TAFA2: variants seen among roughly 807,000 people sequenced by gnomAD.
The protein encoded by TAFA2 is chemokine-like protein TAFA-2.
TAFA2 carries 7 observed loss-of-function variants against 18.8 expected under a neutral mutation model. That is an observed-to-expected ratio of 0.37 (90% confidence interval 0.21 to 0.70). TAFA2 has a LOEUF of 0.70. TAFA2 is among the 30% of genes least tolerant of loss of function. The probability of loss-of-function intolerance (pLI) is 0.53; values close to 1 mark genes in which losing one functional copy is unlikely to be tolerated. For missense variants in TAFA2, 122 were observed against 158.1 expected, an observed-to-expected ratio of 0.77 and a Z score of 1.23; for synonymous variants, 60 against 54.2, an observed-to-expected ratio of 1.11 and a Z score of -0.47.
At chr12:62,200,684 T>C in intron 1 of TAFA2, among the ~76,000 whole-genome samples, 1 of 152,184 alleles carries the variant, frequency 6.6e-6, no homozygotes. Context: ...AGTCAGGTAG[T>C]GTGATGCCTC....
intron 4 of TAFA2, among the ~76,000 whole-genome samples, chr12:61,718,796 C>A (rs1020601622): frequency 6.6e-6 from 1 of 152,102 alleles, no homozygotes; most frequent in African/African-American, 2.4e-5. Context: ...TTTTTATCCC[C>A]TTTCTGCCAG....
chr12:61,785,353 GTGTGTGTT>G (rs1414478365), intron 2 of TAFA2, among the ~76,000 whole-genome samples: 3 of 146,594 alleles, frequency 2.0e-5, no homozygotes, highest in South Asian at 2.2e-4. Flanking sequence ...GTGTGTGTGT[GTGTGTGTT>G]TGTGTGTGTG....
chr12:61,827,705 T>C (rs937691562), intron 2 of TAFA2, among the ~76,000 whole-genome samples: 9 of 152,014 alleles, frequency 5.9e-5, no homozygotes, highest in African/African-American at 2.2e-4. Flanking sequence ...TATAAATATA[T>C]GAATAGTCCT....
intron 1 of TAFA2, among the ~76,000 whole-genome samples, chr12:61,916,517 C>T (rs1372118205): frequency 6.6e-6 from 1 of 152,166 alleles, no homozygotes; most frequent in Non-Finnish European, 1.5e-5. Flanking sequence ...CTGACTGCCC[C>T]AAACTAACAC....
chr12:61,796,508 A>G (rs1871195855), intron 2 of TAFA2, among the ~76,000 whole-genome samples: 1 of 152,126 alleles, frequency 6.6e-6, no homozygotes, highest in Non-Finnish European at 1.5e-5. Flanking sequence ...TGTAATAACA[A>G]ATCAATGGTT....
intron 1 of TAFA2, among the ~76,000 whole-genome samples, chr12:62,126,143 T>TTATTA (rs1370306811): frequency 2.0e-5 from 3 of 152,102 alleles, no homozygotes; most frequent in Non-Finnish European, 4.4e-5. Context: ...TTAAAAGTCT[T>TTATTA]TATTAATTCA....
chr12:62,131,475 G>C (rs911268116), intron 1 of TAFA2, among the ~76,000 whole-genome samples: 1 of 152,024 alleles, frequency 6.6e-6, no homozygotes, highest in Non-Finnish European at 1.5e-5. Context: ...TACCTGAGTA[G>C]TGTTCCACTA....
At chr12:61,812,303 C>T (rs1412714107) in intron 2 of TAFA2, among the ~76,000 whole-genome samples, 1 of 151,546 alleles carries the variant, frequency 6.6e-6, no homozygotes, top group Non-Finnish European at 1.5e-5. Flanking sequence ...AATGGTGTCT[C>T]CAAGTCAAGA....
rs1868429433 is a variant in TAFA2, at chr12:62,085,873, G to C, written c.-2+105386C>G. On this transcript the variant is annotated intron_variant, in intron 1 of 4. Transcript: ENST00000416284. Reference sequence around the variant, plus strand: ...CCTGGTGGAGGTGACTAGATCATGGGGGCAGATTTTTCCCATGCTGTTCTT... The same window carrying C: ...CCTGGTGGAGGTGACTAGATCATGGCGGCAGATTTTTCCCATGCTGTTCTT... 2.6e-5 allele frequency among the ~76,000 whole-genome samples: 4 copies of C among 152,030 alleles called. No homozygotes were observed. The South Asian group carries it at 8.3e-4, about 31-fold the overall frequency.
intron 1 of TAFA2, among the ~76,000 whole-genome samples, chr12:62,014,599 T>C (rs1880871024): frequency 6.6e-6 from 1 of 152,042 alleles, no homozygotes; most frequent in African/African-American, 2.4e-5. Flanking sequence ...GCCACTGCAC[T>C]CCAGCCTAGG....
At chr12:61,814,179 C>G (rs1418612451) in intron 2 of TAFA2, among the ~76,000 whole-genome samples, 4 of 150,682 alleles carry the variant, frequency 2.7e-5, no homozygotes, top group South Asian at 4.2e-4. Flanking sequence ...AAAGAGGCAG[C>G]CAGCTGAGAA....
At chr12:61,955,444 A>G (rs1344903973) in intron 1 of TAFA2, among the ~76,000 whole-genome samples, 2 of 150,640 alleles carry the variant, frequency 1.3e-5, no homozygotes, top group Non-Finnish European at 3.0e-5. Context: ...TCTATTAAAA[A>G]TACAAAAATT....
chr12:61,877,901 TTTTA>T (rs376637681), intron 1 of TAFA2, among the ~76,000 whole-genome samples: 8 of 143,982 alleles, frequency 5.6e-5, no homozygotes, highest in East Asian at 2.0e-4. Flanking sequence ...AAATTGTGAT[TTTTA>T]TATATATATA....
At chr12:61,821,128 TACACACACACACACAC>T (rs3034059) in intron 2 of TAFA2, among the ~76,000 whole-genome samples, 1 of 146,586 alleles carries the variant, frequency 6.8e-6, no homozygotes, top group South Asian at 2.2e-4. Flanking sequence ...TTGATAGGGG[TACACACACACACACAC>T]ACACACACAC....
At chr12:61,839,017 A>G (rs904168170) in intron 2 of TAFA2, among the ~76,000 whole-genome samples, 2 of 152,044 alleles carry the variant, frequency 1.3e-5, no homozygotes, top group Admixed American at 6.6e-5. Context: ...ATGCAGGACT[A>G]TTAGACATGA....
chr12:61,970,108 C>T (rs1879197484), intron 1 of TAFA2, among the ~76,000 whole-genome samples: 1 of 151,594 alleles, frequency 6.6e-6, no homozygotes, highest in African/African-American at 2.4e-5. Context: ...ATACCAAATT[C>T]ATGTCTTCAT....
chr12:62,111,151 G>T (rs1358432297), intron 1 of TAFA2, among the ~76,000 whole-genome samples: 1 of 152,080 alleles, frequency 6.6e-6, no homozygotes, highest in Non-Finnish European at 1.5e-5. Flanking sequence ...TCTAAATACT[G>T]CTTTAACTGT....
chr12:62,016,027 G>C lies in TAFA2; in HGVS notation c.-1-148601C>G, dbSNP rs1055390993. Among the ~76,000 whole-genome samples the C allele has an allele frequency of 4.7e-5, 7 of 149,446 alleles. 1 individual carries two copies. In the East Asian group the frequency reaches 1.4e-3, roughly 30 times the overall value. On this transcript the variant is annotated intron_variant, in intron 1 of 4. Coordinates refer to ENST00000416284, the MANE Select transcript of TAFA2 (RefSeq NM_178539.5). ...CCACCAAATTGTACACTGAAAAATA[G>C]TTACAATGATAAATTTTATATTGTG... is the stretch of plus-strand genomic sequence containing the variant.
chr12:62,161,563 A>AG (rs1348267498), intron 1 of TAFA2, among the ~76,000 whole-genome samples: 1 of 152,134 alleles, frequency 6.6e-6, no homozygotes, highest in Non-Finnish European at 1.5e-5. Context: ...AGAGGGCAGG[A>AG]GGGGGTGATG....
Sources: allele counts gnomAD v4.1 joint callset (sites outside exome capture counted in the v4.1 genomes callset), GRCh38; gene constraint gnomAD v4.1.1; transcripts MANE v1.5; gene names NCBI Gene and HGNC (gene_info 2026-07-23, HGNC 2026-07-21).